BRF1: variants seen among roughly 807,000 people sequenced by gnomAD.
BRF1 encodes the protein transcription factor IIIB 90 kDa subunit.
BRF1 carries 59 observed loss-of-function variants against 81.7 expected under a neutral mutation model. That is an observed-to-expected ratio of 0.72 (90% CI 0.59 to 0.90). BRF1 has a LOEUF of 0.90. Among genes scored for constraint, BRF1 ranks in the 40% least tolerant of loss-of-function variants. BRF1 has a pLI of 0.00. For synonymous variants in BRF1, 491 were observed against 395.6 expected (o/e 1.24, Z -2.86); for missense variants, 1,050 against 936.3 (o/e 1.12, Z -1.58).
At chr14:105,292,903 C>G (rs2057580937) in intron 1 of BRF1, among the ~76,000 whole-genome samples, 1 of 152,180 alleles carries the variant, frequency 6.6e-6, no homozygotes, top group South Asian at 2.1e-4. Flanking sequence ...CAAGCCCAGG[C>G]CCCTTCCCCA....
At chr14:105,251,885 GGA>G (rs2055635821) in intron 5 of BRF1, among the ~76,000 whole-genome samples, 2 of 151,984 alleles carry the variant, frequency 1.3e-5, no homozygotes. Context: ...CTGCCTCGAG[GGA>G]GAGACAGGAC....
At chr14:105,310,073 C>G (rs1022029944) in intron 1 of BRF1, among the ~76,000 whole-genome samples, 1 of 151,692 alleles carries the variant, frequency 6.6e-6, no homozygotes, top group African/African-American at 2.4e-5. Context: ...TATGAGCCAC[C>G]GCACCCAGCC....
At chr14:105,288,797 C>A (rs753417944) in intron 1 of BRF1, among the ~76,000 whole-genome samples, 1 of 151,610 alleles carries the variant, frequency 6.6e-6, no homozygotes, top group East Asian at 2.0e-4. Flanking sequence ...CCACGCCCGG[C>A]TAATTTTTTG....
chr14:105,287,532 T>C (rs1027824371), intron 1 of BRF1, among the ~76,000 whole-genome samples: 3 of 152,114 alleles, frequency 2.0e-5, no homozygotes, highest in African/African-American at 2.4e-5. Context: ...CCTTGGCCAC[T>C]TGGGGGAAGG....
Position 105,217,574 on chromosome 14 carries a change from C to T in BRF1, c.1742G>A (p.Gly581Glu). 2 of 1,613,544 alleles carry T rather than the reference C, an allele frequency of 1.2e-6. No individual in the cohort carries two copies. The highest frequency in any genetic ancestry group is 1.7e-6 in the Non-Finnish European group (2 of 1,179,986). The stretch of plus-strand genomic sequence containing the variant: ...CCCCACACTGGTCACAGGGTCAGCC[C>T]CACTTCTGCTGGCCGGCGTCCTCCT... ...SRRRTPASRS[G>E]ADPVTSVGKR... The change falls in exon 15 of 18, where the codon GGG (glycine) becomes GAG (glutamate). Residue 581 changes from glycine (G) to glutamate (E), a missense_variant. This residue lies in a region of BRF1 where 1,043 missense variants were observed against 915.4 expected (regional missense o/e 1.14). Transcript: ENST00000547530.
At chr14:105,248,853 G>A (rs1356884438) in intron 5 of BRF1, 2 of 990,324 alleles carry the variant, frequency 2.0e-6, no homozygotes, top group Middle Eastern at 5.1e-4. Context: ...GGCTGCCCCC[G>A]CCGCCCCGCC....
At chr14:105,256,403 A>G in intron 4 of BRF1, 115 bp downstream of exon 4, 1 of 1,610,944 alleles carries the variant, frequency 6.2e-7, no homozygotes, top group Non-Finnish European at 8.5e-7. Flanking sequence ...CAGGCAGCAC[A>G]GACCGGCCAC....
intron 1 of BRF1, among the ~76,000 whole-genome samples, chr14:105,298,854 C>CAA (rs1202505629): frequency 2.4e-5 from 3 of 124,756 alleles, no homozygotes; most frequent in Non-Finnish European, 3.4e-5. Flanking sequence ...GATTCTGTCT[C>CAA]AAAAAAAAAA....
intron 3 of BRF1, among the ~76,000 whole-genome samples, chr14:105,260,822 C>T (rs907035118): frequency 2.0e-5 from 3 of 152,252 alleles, no homozygotes; most frequent in Non-Finnish European, 4.4e-5. Context: ...CTCTATCAGG[C>T]GCTTTCAGGG....
chr14:105,313,621 A>G (rs1032474356), intron 1 of BRF1, among the ~76,000 whole-genome samples: 5 of 152,238 alleles, frequency 3.3e-5, no homozygotes, highest in African/African-American at 1.2e-4. Context: ...CTGACGGGGC[A>G]CTGGGGTGGC....
At chr14:105,313,031 G>A (rs779358083) in intron 1 of BRF1, among the ~76,000 whole-genome samples, 2 of 152,112 alleles carry the variant, frequency 1.3e-5, no homozygotes, top group African/African-American at 4.8e-5. Flanking sequence ...GGCTCACAAC[G>A]GTGCCTGGCA....
chr14:105,215,896 G>T (rs1327003481), intron 15 of BRF1, among the ~76,000 whole-genome samples: 8 of 112,320 alleles, frequency 7.1e-5, no homozygotes, highest in Admixed American at 6.1e-4. Flanking sequence ...TACAGACACA[G>T]GCACACACAC....
intron 4 of BRF1, among the ~76,000 whole-genome samples, chr14:105,256,035 G>C (rs1371028558): frequency 6.6e-6 from 1 of 152,114 alleles, no homozygotes; most frequent in African/African-American, 2.4e-5. Flanking sequence ...TGAGGTGGGA[G>C]GATTGCTTGA....
At chr14:105,311,731 C>T (rs1043458410) in intron 1 of BRF1, among the ~76,000 whole-genome samples, 2 of 152,200 alleles carry the variant, frequency 1.3e-5, no homozygotes, top group Non-Finnish European at 2.9e-5. Flanking sequence ...GGTGCGGCTG[C>T]GGGTGCAGCG....
At chr14:105,215,786 A>T (rs1170930232) in intron 15 of BRF1, among the ~76,000 whole-genome samples, 7 of 149,178 alleles carry the variant, frequency 4.7e-5, no homozygotes, top group African/African-American at 1.7e-4. Context: ...CTGCACACAC[A>T]CACATGCACA....
chr14:105,248,870 G>A (rs1440559248), intron 5 of BRF1: 2 of 989,596 alleles, frequency 2.0e-6, no homozygotes, highest in Admixed American at 6.2e-5. Context: ...CGCCCGCGAA[G>A]ATGGCGGCGG....
At chr14:105,291,348 G>A (rs1435429042) in intron 1 of BRF1, among the ~76,000 whole-genome samples, 1 of 152,244 alleles carries the variant, frequency 6.6e-6, no homozygotes, top group Non-Finnish European at 1.5e-5. Flanking sequence ...TCCAACATGA[G>A]AAAGCAATAA....
chr14:105,268,424 C>T (rs1450626834), intron 3 of BRF1, among the ~76,000 whole-genome samples: 4 of 152,240 alleles, frequency 2.6e-5, no homozygotes, highest in African/African-American at 7.2e-5. Flanking sequence ...AGCAGCACCC[C>T]GTTCCTCCTC....
chr14:105,286,065 T>C (rs2057302424), intron 2 of BRF1, among the ~76,000 whole-genome samples: 1 of 152,262 alleles, frequency 6.6e-6, no homozygotes. Flanking sequence ...CTGTGGATCC[T>C]GTGGGATCCA....
Sources: allele counts gnomAD v4.1 joint callset (sites outside exome capture counted in the v4.1 genomes callset), GRCh38; gene constraint gnomAD v4.1.1; regional missense constraint gnomAD v4.1.1; transcripts MANE v1.5; gene names NCBI Gene and HGNC (gene_info 2026-07-23, HGNC 2026-07-21).